The following SOX5 variants were observed in gnomAD, a reference collection of about 807,000 sequenced individuals.
SOX5 encodes the protein SRY-box transcription factor 5, also known as transcription factor SOX-5.
Under a neutral mutation model 92.0 loss-of-function variants are expected in SOX5, and 9 were observed. The observed-to-expected ratio is 0.10, with a 90% CI of 0.06 to 0.17. SOX5 has a LOEUF of 0.17. Ranked by LOEUF, SOX5 falls within the 10% of genes least tolerant of loss-of-function variation. The probability of loss-of-function intolerance (pLI) is 1.00; values close to 1 mark genes in which losing one functional copy is unlikely to be tolerated. For synonymous variants in SOX5, 344 were observed against 336.3 expected (o/e 1.02, Z -0.25); for missense variants, 642 against 944.5 (o/e 0.68, Z 4.20).
At chr12:23,881,714 T>C (rs972384122) in intron 2 of SOX5, among the ~76,000 whole-genome samples, 1 of 152,228 alleles carries the variant, frequency 6.6e-6, no homozygotes, top group African/African-American at 2.4e-5. Flanking sequence ...CCTACCGGCA[T>C]AAATCTAGTA....
intron 2 of SOX5, among the ~76,000 whole-genome samples, chr12:23,875,936 C>T (rs2096922494): frequency 1.3e-5 from 2 of 152,130 alleles, no homozygotes; most frequent in African/African-American, 2.4e-5. Context: ...AATACTGTAG[C>T]ACAAAAGCAG....
In SOX5 at chr12:24,369,235, T is replaced by A. The variant is rs182579761; in HGVS notation, c.-250-596A>T. 3.3e-5 allele frequency among the ~76,000 whole-genome samples: 5 copies of A among 152,276 alleles called. No individual in the cohort carries two copies. The East Asian group carries it at 9.6e-4, about 29-fold the overall frequency. ...AACATGATCTCCTGAACTCAAAATG[T>A]CATAGGAGTGTCTTTGTTTGGCTGA... On this transcript the variant is annotated intron_variant, in intron 1 of 4. Transcript: ENST00000446891.
chr12:24,385,635 C>T (rs1013674111), intron 1 of SOX5, among the ~76,000 whole-genome samples: 5 of 152,014 alleles, frequency 3.3e-5, no homozygotes, highest in Non-Finnish European at 5.9e-5. Context: ...ATGCTGAGTA[C>T]GCTTTAAATT....
chr12:23,791,206 G>C (rs1485722534), intron 3 of SOX5, among the ~76,000 whole-genome samples: 1 of 152,202 alleles, frequency 6.6e-6, no homozygotes, highest in Non-Finnish European at 1.5e-5. Context: ...TCCAACTCCT[G>C]ACTATGGAGT....
intron 4 of SOX5, among the ~76,000 whole-genome samples, chr12:24,152,333 C>T (rs914325095): frequency 3.3e-5 from 5 of 151,760 alleles, no homozygotes; most frequent in African/African-American, 4.9e-5. Context: ...CTTTCATGAA[C>T]ATTTTATGAG....
At chr12:23,677,846 C>T (rs1043993055) in intron 6 of SOX5, among the ~76,000 whole-genome samples, 4 of 149,518 alleles carry the variant, frequency 2.7e-5, no homozygotes, top group East Asian at 1.9e-4. Flanking sequence ...GAAGCGTTCC[C>T]GCAAACAAAA....
intron 1 of SOX5, among the ~76,000 whole-genome samples, chr12:24,369,036 T>TA (rs2136240643): frequency 6.6e-6 from 1 of 152,242 alleles, no homozygotes; most frequent in South Asian, 2.1e-4. Context: ...GTCTGTAAAG[T>TA]AAGGGTAACT....
chr12:23,608,642 T>C (rs2075571821), intron 8 of SOX5, among the ~76,000 whole-genome samples: 1 of 152,126 alleles, frequency 6.6e-6, no homozygotes, highest in Non-Finnish European at 1.5e-5. Context: ...TAATTGCAAC[T>C]CTAAGCCATG....
At chr12:24,158,941 A>G (rs1952476691) in intron 4 of SOX5, among the ~76,000 whole-genome samples, 1 of 151,956 alleles carries the variant, frequency 6.6e-6, no homozygotes, top group African/African-American at 2.4e-5. Flanking sequence ...ATATAGCTTT[A>G]AAGTTGTTTT....
intron 1 of SOX5, chr12:24,460,817 T>C (rs1376924503): frequency 6.6e-6 from 1 of 152,130 alleles, no homozygotes; most frequent in East Asian, 1.9e-4. Flanking sequence ...TGGTAACAGC[T>C]CCTTTGTGGT....
At chr12:23,674,560 A>T (rs1465422197) in intron 6 of SOX5, among the ~76,000 whole-genome samples, 1 of 151,404 alleles carries the variant, frequency 6.6e-6, no homozygotes, top group Non-Finnish European at 1.5e-5. Flanking sequence ...CTGATCTCGA[A>T]CTCTTTACCT....
chr12:24,559,650 T>C (rs1385963488), intron 1 of SOX5, among the ~76,000 whole-genome samples: 1 of 152,102 alleles, frequency 6.6e-6, no homozygotes, highest in Admixed American at 6.5e-5. Flanking sequence ...AAAGGTAAAT[T>C]TAGAAATTTA....
chr12:23,601,751 T>C (rs1360335893), intron 9 of SOX5, among the ~76,000 whole-genome samples: 11 of 152,196 alleles, frequency 7.2e-5, no homozygotes, highest in Admixed American at 6.5e-4. Context: ...TTATTTATTA[T>C]AGGTTGTATT....
chr12:23,967,500 A>G (rs1044219244), intron 4 of SOX5, among the ~76,000 whole-genome samples: 1 of 152,134 alleles, frequency 6.6e-6, no homozygotes, highest in Non-Finnish European at 1.5e-5. Flanking sequence ...AATAAGATAG[A>G]TATAAAATCT....
At chr12:23,688,431 T>C (rs187159997) in intron 6 of SOX5, among the ~76,000 whole-genome samples, 70 of 152,192 alleles carry the variant, frequency 4.6e-4, no homozygotes, top group East Asian at 3.5e-3. Context: ...GCAGTGAGAA[T>C]AGTAACTTGT....
chr12:23,535,202 C>T (rs1006311385), intron 14 of SOX5, among the ~76,000 whole-genome samples: 1 of 152,156 alleles, frequency 6.6e-6, no homozygotes, highest in African/African-American at 2.4e-5. Context: ...TAGTATTTTT[C>T]CCTAGAATTA....
intron 3 of SOX5, among the ~76,000 whole-genome samples, chr12:23,804,861 T>A (rs1031387593): frequency 3.4e-5 from 5 of 145,708 alleles, no homozygotes; most frequent in Admixed American, 7.1e-5. Flanking sequence ...ACCTTTCTTA[T>A]GGAATTTATT....
intron 6 of SOX5, among the ~76,000 whole-genome samples, chr12:23,731,169 C>A (rs1338860814): frequency 2.0e-5 from 3 of 152,216 alleles, no homozygotes; most frequent in Admixed American, 6.5e-5. Context: ...CTTGCAGCTT[C>A]CCGGCTTCTG....
intron 1 of SOX5, among the ~76,000 whole-genome samples, chr12:24,372,640 T>C (rs1241452560): frequency 1.3e-5 from 2 of 152,222 alleles, no homozygotes; most frequent in Non-Finnish European, 2.9e-5. Flanking sequence ...TTTGGGTATA[T>C]ACCCAGTAAT....
Sources: allele counts gnomAD v4.1 joint callset (sites outside exome capture counted in the v4.1 genomes callset), GRCh38; gene constraint gnomAD v4.1.1; transcripts MANE v1.5; gene names NCBI Gene and HGNC (gene_info 2026-07-23, HGNC 2026-07-21).